The following SGCD variants were observed in gnomAD, a reference collection of about 807,000 sequenced individuals.
The protein encoded by SGCD is delta-sarcoglycan.
A neutral mutation model predicts 36.6 loss-of-function variants in SGCD; 18 were observed. That is an observed-to-expected ratio of 0.49 (90% confidence interval 0.34 to 0.73). The LOEUF (loss-of-function observed/expected upper bound fraction) is 0.73. Among genes scored for constraint, SGCD ranks in the 30% least tolerant of loss-of-function variants. SGCD has a pLI of 0.01. For synonymous variants in SGCD, 133 were observed against 130.6 expected, an observed-to-expected ratio of 1.02 and a Z score of -0.12; for missense variants, 387 against 346.7, an observed-to-expected ratio of 1.12 and a Z score of -0.92.
the SGCD span, among the ~76,000 whole-genome samples, chr5:155,790,566 C>A: frequency 1.3e-5 from 2 of 152,046 alleles, no homozygotes; most frequent in African/African-American, 2.4e-5. Flanking sequence ...ATCAGTGACT[C>A]TCTTCTAAAT....
chr5:156,365,735 A>T (rs1770062136), intron 3 of SGCD, among the ~76,000 whole-genome samples: 1 of 151,944 alleles, frequency 6.6e-6, no homozygotes, highest in Non-Finnish European at 1.5e-5. Context: ...ATATACATGT[A>T]TATATGTATA....
chr5:156,577,543 C>T (rs1007683705), intron 4 of SGCD, among the ~76,000 whole-genome samples: 31 of 152,166 alleles, frequency 2.0e-4, no homozygotes, highest in Admixed American at 2.0e-3. Context: ...CCTTCCTATC[C>T]ATGAGCGTGG....
Position 156,766,614 on chromosome 5 carries a change from A to C in SGCD, c.*7224A>C, listed in dbSNP as rs1757592200. Reference sequence around the variant, plus strand: ...CAGCAATGAGGTTTGGTGGTGTTTCAACTAGGAAGGGAGAAAATGAGTGCA... The same window carrying C: ...CAGCAATGAGGTTTGGTGGTGTTTCCACTAGGAAGGGAGAAAATGAGTGCA... On this transcript the variant is annotated 3_prime_UTR_variant, in exon 9 of 9. Coordinates refer to ENST00000337851, the MANE Select transcript of SGCD (RefSeq NM_000337.6). The C allele has an allele frequency of 6.7e-6, 1 of 148,448 alleles. No individual in the cohort carries two copies. The highest frequency in any genetic ancestry group is 6.8e-5 in the Admixed American group (1 of 14,640). The allele number at this position is 148,448 out of a possible 1,614,324, so 9.2% of individuals were successfully genotyped here.
chr5:156,416,916 T>C (rs907545756), intron 3 of SGCD, among the ~76,000 whole-genome samples: 1 of 152,200 alleles, frequency 6.6e-6, no homozygotes, highest in African/African-American at 2.4e-5. Flanking sequence ...TGATTGGCTT[T>C]TTTTCTTCTT....
intron 3 of SGCD, among the ~76,000 whole-genome samples, chr5:156,495,847 AT>A (rs1305216898): frequency 5.9e-5 from 9 of 151,940 alleles, no homozygotes; most frequent in Non-Finnish European, 1.3e-4. Context: ...TCCATCTCTC[AT>A]TTTCTTCCCG....
chr5:156,597,694 C>G (rs915867152), intron 6 of SGCD, among the ~76,000 whole-genome samples: 1 of 152,174 alleles, frequency 6.6e-6, no homozygotes, highest in African/African-American at 2.4e-5. Context: ...TCTTTTCCCC[C>G]TCTGTGTCCT....
chr5:156,054,848 G>C (rs1760021864), intron 1 of SGCD, among the ~76,000 whole-genome samples: 1 of 146,482 alleles, frequency 6.8e-6, no homozygotes, highest in Admixed American at 6.8e-5. Flanking sequence ...CAGGGTTACT[G>C]GACTTTACAT....
chr5:156,423,468 A>T (rs1412611226), intron 3 of SGCD, among the ~76,000 whole-genome samples: 1 of 132,988 alleles, frequency 7.5e-6, no homozygotes, highest in Non-Finnish European at 1.6e-5. Context: ...TATTAATTAA[A>T]TAATAATTAA....
intron 3 of SGCD, among the ~76,000 whole-genome samples, chr5:156,390,745 T>C (rs1341463569): frequency 6.6e-6 from 1 of 151,984 alleles, no homozygotes; most frequent in Non-Finnish European, 1.5e-5. Flanking sequence ...AAAAAAAAAG[T>C]TTAATGCATA....
chr5:156,616,565 G>A (rs369758516), intron 6 of SGCD, among the ~76,000 whole-genome samples: 16 of 152,300 alleles, frequency 1.1e-4, no homozygotes, highest in African/African-American at 2.9e-4. Context: ...TTGATAAGTT[G>A]TCTCTCCCTT....
chr5:155,811,581 G>C, the SGCD span, among the ~76,000 whole-genome samples: 1 of 152,154 alleles, frequency 6.6e-6, no homozygotes, highest in Non-Finnish European at 1.5e-5. Flanking sequence ...GCCACCATAC[G>C]TTTATGCTAG....
intron 2 of SGCD, among the ~76,000 whole-genome samples, chr5:156,122,843 T>TAAAAAAAAAAAAAAAAAAAAAA (rs33983852): frequency 3.7e-5 from 2 of 54,170 alleles, no homozygotes; most frequent in Non-Finnish European, 6.4e-5. Context: ...AAAGATGTGG[T>TAAAAAAAAAAAAAAAAAAAAAA]AAAAAAAAAA....
At chr5:156,302,003 C>A (rs572338898) in intron 3 of SGCD, among the ~76,000 whole-genome samples, 2 of 151,390 alleles carry the variant, frequency 1.3e-5, no homozygotes, top group African/African-American at 4.8e-5. Flanking sequence ...TTGGGTTAAA[C>A]CTGCTTGATG....
chr5:156,138,189 C>A (rs138586789), intron 3 of SGCD, among the ~76,000 whole-genome samples: 2 of 152,090 alleles, frequency 1.3e-5, no homozygotes, highest in Non-Finnish European at 2.9e-5. Context: ...TCACTTGAGA[C>A]AGGAGTTCAA....
At chr5:156,408,707 T>C (rs377024892) in intron 3 of SGCD, among the ~76,000 whole-genome samples, 27 of 152,304 alleles carry the variant, frequency 1.8e-4, no homozygotes, top group African/African-American at 5.8e-4. Context: ...CTGCCATCTT[T>C]CTCTTTGTCC....
At chr5:155,917,367 G>A (rs981221810) in intron 1 of SGCD, among the ~76,000 whole-genome samples, 3 of 152,164 alleles carry the variant, frequency 2.0e-5, no homozygotes, top group Non-Finnish European at 4.4e-5. Flanking sequence ...CTGTGGTGAG[G>A]ACTGAATGGA....
chr5:156,145,926 A>T (rs1762698808), intron 3 of SGCD, among the ~76,000 whole-genome samples: 2 of 152,166 alleles, frequency 1.3e-5, no homozygotes. Flanking sequence ...AAAAAAAGGG[A>T]TTTGAGGCCA....
intron 4 of SGCD, among the ~76,000 whole-genome samples, chr5:156,563,123 G>A (rs1759336092): frequency 6.6e-6 from 1 of 151,982 alleles, no homozygotes; most frequent in African/African-American, 2.4e-5. Flanking sequence ...GGGATTACAG[G>A]CATGCCCACA....
intron 3 of SGCD, among the ~76,000 whole-genome samples, chr5:156,311,570 A>G (rs1767389704): frequency 6.6e-6 from 1 of 152,124 alleles, no homozygotes; most frequent in Non-Finnish European, 1.5e-5. Flanking sequence ...GATATGACCT[A>G]CTTGAATATG....
Sources: allele counts gnomAD v4.1 joint callset (sites outside exome capture counted in the v4.1 genomes callset), GRCh38; gene constraint gnomAD v4.1.1; transcripts MANE v1.5; gene names NCBI Gene and HGNC (gene_info 2026-07-23, HGNC 2026-07-21).